Variants in CIT observed in about 807,000 individuals in gnomAD.
The protein encoded by CIT is citron rho-interacting serine/threonine kinase, also known as citron Rho-interacting kinase.
In CIT, 79 loss-of-function variants were observed where a neutral mutation model predicts 272.7. The ratio of observed to expected loss-of-function variants is 0.29; its 90% CI spans 0.24 to 0.35. CIT has a LOEUF of 0.35. Among genes scored for constraint, CIT ranks in the 10% least tolerant of loss-of-function variants. The probability of loss-of-function intolerance (pLI) is 1.00; values close to 1 mark genes in which losing one functional copy is unlikely to be tolerated. For missense variants in CIT, 1,909 were observed against 2,618.3 expected, an observed-to-expected ratio of 0.73 and a Z score of 5.91; for synonymous variants, 948 against 995.6, an observed-to-expected ratio of 0.95 and a Z score of 0.90.
chr12:119,795,056 C>T (rs1250492277), intron 10 of CIT, among the ~76,000 whole-genome samples: 7 of 151,972 alleles, frequency 4.6e-5, no homozygotes, highest in Non-Finnish European at 1.5e-5. Context: ...CAGTCAGTCC[C>T]AAAAAAATAG....
chr12:119,843,250 C>T (rs779974599), intron 5 of CIT, among the ~76,000 whole-genome samples: 5 of 152,130 alleles, frequency 3.3e-5, no homozygotes, highest in East Asian at 1.9e-4. Context: ...TGGTAAGTCA[C>T]GTGGAAGAGT....
At chr12:119,791,700 G>A (rs1214928443) in intron 10 of CIT, among the ~76,000 whole-genome samples, 2 of 152,170 alleles carry the variant, frequency 1.3e-5, no homozygotes, top group African/African-American at 2.4e-5. Context: ...CTGTCTCTTC[G>A]AGCACGAAGC....
At chr12:119,714,063 C>T (rs906374984) in intron 33 of CIT, 134 bp downstream of exon 33, 5 of 984,102 alleles carry the variant, frequency 5.1e-6, no homozygotes, top group Admixed American at 2.8e-5. Flanking sequence ...AAAATAGCAT[C>T]CTCCTACTGA....
chr12:119,792,752 C>T (rs930727147), intron 10 of CIT, among the ~76,000 whole-genome samples: 18 of 152,278 alleles, frequency 1.2e-4, no homozygotes, highest in East Asian at 3.9e-4. Flanking sequence ...GGATTACAGG[C>T]GTGGGCCACC....
chr12:119,781,149 G>A (rs1015336963), intron 13 of CIT, among the ~76,000 whole-genome samples: 4 of 152,222 alleles, frequency 2.6e-5, no homozygotes, highest in Non-Finnish European at 5.9e-5. Context: ...AAAGGAGCAT[G>A]AGTCAACTGT....
chr12:119,746,873 T>C (rs1223663540), intron 23 of CIT, among the ~76,000 whole-genome samples: 1 of 152,202 alleles, frequency 6.6e-6, no homozygotes, highest in Non-Finnish European at 1.5e-5. Context: ...AAGAAAATGG[T>C]AAGTCATATG....
intron 19 of CIT, among the ~76,000 whole-genome samples, chr12:119,766,255 A>G (rs1962444843): frequency 6.6e-6 from 1 of 152,202 alleles, no homozygotes. Flanking sequence ...AAAAAAAAGA[A>G]AGAAAATGTG....
At position 119,841,364 on chromosome 12, in the gene CIT, A is replaced by C. The variant is rs1211585646; in HGVS notation, c.517-7136T>G. ...TAATTTCTATATTTTTAGGAGAGAC[A>C]GGGTTTCACCATGTTGGCCAGGCTG... On this transcript the variant is annotated intron_variant, in intron 5 of 47. Coordinates refer to ENST00000392521, the MANE Select transcript of CIT (RefSeq NM_001206999.2). Among the ~76,000 whole-genome samples the C allele has an allele frequency of 5.3e-5, 8 of 152,108 alleles. No homozygotes were observed. In the East Asian group the frequency reaches 1.4e-3, roughly 26 times the overall value.
chr12:119,797,846 C>T (rs563207860), intron 10 of CIT, among the ~76,000 whole-genome samples: 88 of 152,168 alleles, frequency 5.8e-4, no homozygotes, highest in African/African-American at 2.0e-3. Context: ...GGGAGGCAAA[C>T]AAAAGTACAA....
intron 22 of CIT, among the ~76,000 whole-genome samples, chr12:119,756,280 C>T (rs1960971727): frequency 6.6e-6 from 1 of 152,116 alleles, no homozygotes; most frequent in African/African-American, 2.4e-5. Context: ...AACAAAGGAA[C>T]GAAACACAGG....
intron 10 of CIT, among the ~76,000 whole-genome samples, chr12:119,802,254 A>G (rs1346192219): frequency 1.3e-5 from 2 of 152,162 alleles, no homozygotes; most frequent in African/African-American, 4.8e-5. Context: ...CCATCAGTCC[A>G]AGATCTTCTG....
intron 3 of CIT, among the ~76,000 whole-genome samples, chr12:119,862,807 C>CA: frequency 1.4e-4 from 2 of 13,980 alleles, no homozygotes; most frequent in Non-Finnish European, 1.1e-4. Flanking sequence ...AAGACTCTAC[C>CA]TAAAAAAAAA....
At chr12:119,808,394 A>T (rs1966727796) in intron 9 of CIT, among the ~76,000 whole-genome samples, 1 of 152,198 alleles carries the variant, frequency 6.6e-6, no homozygotes, top group Non-Finnish European at 1.5e-5. Flanking sequence ...AGAATGAATG[A>T]AAAACAAGAA....
At chr12:119,871,477 C>T (rs1366948234) in intron 2 of CIT, among the ~76,000 whole-genome samples, 4 of 152,132 alleles carry the variant, frequency 2.6e-5, no homozygotes, top group Non-Finnish European at 5.9e-5. Context: ...AACAAACAAA[C>T]ACATTCTCTG....
In CIT at chr12:119,876,074, TG is replaced by T. The variant is rs1566159060; in HGVS notation, c.94del (p.Gln32ArgfsTer7). 6.2e-7 allele frequency: 1 copy of T among 1,610,848 alleles called. No homozygotes were observed. The highest frequency in any genetic ancestry group is 8.5e-7 in the Non-Finnish European group (1 of 1,177,268). ...SRASRLNLFF[Q>X]GKPPFMTQQQ... ...AAAGTTGGCAGGGTAGGCTGTTACC[TG>T]GAAGAACAGATTCAGCCTGGAGGCC... On this transcript the variant is annotated frameshift_variant and splice_region_variant, in exon 2 of 48. Coordinates refer to ENST00000392521, the MANE Select transcript of CIT (RefSeq NM_001206999.2). LOFTEE classifies it high-confidence loss of function.
intron 16 of CIT, among the ~76,000 whole-genome samples, chr12:119,775,281 A>T (rs203362): frequency 0.8 from 121,920 of 151,544 alleles, 49,433 homozygotes; most frequent in African/African-American, 0.88. Flanking sequence ...TCAAAAAAAA[A>T]TTTTTTTTAA....
chr12:119,747,774 T>C (rs1959658916), intron 23 of CIT, among the ~76,000 whole-genome samples: 1 of 152,224 alleles, frequency 6.6e-6, no homozygotes, highest in Non-Finnish European at 1.5e-5. Flanking sequence ...ATTTATTTTT[T>C]ATTTCTTTTA....
At chr12:119,825,033 C>T (rs1968050363) in intron 8 of CIT, 132 bp downstream of exon 8, 1 of 665,982 alleles carries the variant, frequency 1.5e-6, no homozygotes, top group Admixed American at 2.8e-5. Flanking sequence ...ATCTCCTGAC[C>T]TCGTGATCCA....
Position 119,776,408 on chromosome 12 carries a change from C to G in CIT, c.1837G>C (p.Ala613Pro). The change falls in exon 15 of 48, where the codon GCT (alanine) becomes CCT (proline). Residue 613 changes from alanine (A) to proline (P), a missense_variant and splice_region_variant. Physicochemically the swap from Ala to Pro is conservative, Grantham distance 27. Transcript: ENST00000392521. ...ATECQHKLLK[A>P]KDQGKPEVGE... ...ACTTCAGGCTTCCCTTGATCCTTAG[C>G]CTGTAATTAAAAAGACACAACATAT... 6.2e-7 allele frequency: 1 copy of G among 1,613,036 alleles called. No homozygotes were observed. Among genetic ancestry groups the G allele is most frequent in the Non-Finnish European group, 8.5e-7 (1 of 1,179,266 alleles).
Sources: gnomAD v4.1 joint callset for allele counts (sites outside exome capture counted in the v4.1 genomes callset) on GRCh38, gnomAD v4.1.1 for gene constraint, MANE v1.5 for transcripts, NCBI Gene and HGNC (gene_info 2026-07-23, HGNC 2026-07-21) for gene names.